The following HSPA12A variants were observed in gnomAD, a reference collection of about 807,000 sequenced individuals.
The protein encoded by HSPA12A is heat shock protein family A (Hsp70) member 12A, also known as heat shock 70 kDa protein 12A.
In HSPA12A, 28 loss-of-function variants were observed where a neutral mutation model predicts 69.2. The ratio of observed to expected loss-of-function variants is 0.40; its 90% CI spans 0.30 to 0.55. The LOEUF is 0.55. Ranked by LOEUF, HSPA12A falls within the 20% of genes least tolerant of loss-of-function variation. The pLI, the probability that HSPA12A is intolerant of heterozygous loss-of-function variation, is 0.38. For missense variants in HSPA12A, 686 were observed against 900.7 expected (o/e 0.76, Z 3.05); for synonymous variants, 345 against 370.5 (o/e 0.93, Z 0.79).
chr10:116,837,836 A>G (rs1845743173), intron 1 of HSPA12A, among the ~76,000 whole-genome samples: 1 of 152,190 alleles, frequency 6.6e-6, no homozygotes, highest in Non-Finnish European at 1.5e-5. Flanking sequence ...AATTCTTTAA[A>G]TCTAAGCCCA....
At chr10:116,801,193 C>T (rs1348897490) in intron 2 of HSPA12A, among the ~76,000 whole-genome samples, 1 of 152,192 alleles carries the variant, frequency 6.6e-6, no homozygotes, top group African/African-American at 2.4e-5. Flanking sequence ...TGCATAATGG[C>T]TGGATTCTAA....
At chr10:116,767,478 G>C (rs1422525941) in intron 2 of HSPA12A, among the ~76,000 whole-genome samples, 1 of 152,220 alleles carries the variant, frequency 6.6e-6, no homozygotes, top group African/African-American at 2.4e-5. Context: ...GGCCTCGGGA[G>C]CCTCCCCAAC....
At position 116,735,574 on chromosome 10, in the gene HSPA12A, G is replaced by A. The variant is rs114413296; in HGVS notation, c.40+6856C>T. Among the ~76,000 whole-genome samples, 1,008 of 152,290 alleles carry A rather than the reference G, an allele frequency of 6.6e-3. 20 individuals are homozygous for A. Among genetic ancestry groups the A allele is most frequent in the African/African-American group, 0.023 (971 of 41,558 alleles). On this transcript the variant is annotated intron_variant, in intron 1 of 11. Coordinates refer to ENST00000369209, the MANE Select transcript of HSPA12A (RefSeq NM_025015.3). The stretch of plus-strand genomic sequence containing the variant: ...AGCCAGCACCAACCCCCAGACCTGT[G>A]AGCGAGGTCATCTTGGACTACCCAG...
upstream of HSPA12A, among the ~76,000 whole-genome samples, chr10:116,744,586 G>A (rs1396872642): frequency 6.6e-6 from 1 of 152,232 alleles, no homozygotes. Context: ...GCAGAGAGCA[G>A]AACACTTTTG....
At chr10:116,678,348 C>CAAAAAAAA (rs55780024) in intron 10 of HSPA12A, among the ~76,000 whole-genome samples, 6 of 59,374 alleles carry the variant, frequency 1.0e-4, no homozygotes, top group African/African-American at 2.9e-4. Context: ...TGCCAACTTG[C>CAAAAAAAA]AAAAAAAAAA....
exon 1 of HSPA12A, chr10:116,849,726 C>A (rs773341569): frequency 1.3e-6 from 2 of 1,521,606 alleles, no homozygotes; most frequent in South Asian, 2.5e-5. Flanking sequence ...CGTCTACGGG[C>A]ACCTGGTAGG....
chr10:116,741,253 G>A (rs1194155360), intron 1 of HSPA12A, among the ~76,000 whole-genome samples: 2 of 152,252 alleles, frequency 1.3e-5, no homozygotes, highest in Non-Finnish European at 2.9e-5. Flanking sequence ...GCGGCTTGGA[G>A]TGCAGCAGAG....
At chr10:116,708,849 A>C (rs1426548999) in intron 1 of HSPA12A, among the ~76,000 whole-genome samples, 1 of 152,248 alleles carries the variant, frequency 6.6e-6, no homozygotes, top group Non-Finnish European at 1.5e-5. Flanking sequence ...ATATGGCTTC[A>C]CACTGACTAG....
chr10:116,713,326 T>C (rs1850502362), intron 1 of HSPA12A, among the ~76,000 whole-genome samples: 1 of 152,176 alleles, frequency 6.6e-6, no homozygotes, highest in Non-Finnish European at 1.5e-5. Context: ...CTATGGTGGA[T>C]GTCCAGAGTA....
At chr10:116,694,680 G>C (rs1247249387) in intron 5 of HSPA12A, among the ~76,000 whole-genome samples, 2 of 152,070 alleles carry the variant, frequency 1.3e-5, no homozygotes, top group Non-Finnish European at 2.9e-5. Context: ...AGGAGCCCCT[G>C]TGCGCTCTGC....
rs149068793 is a variant in HSPA12A at position 116,674,713 on chromosome 10, C to A, written c.*68G>T. ...GTGAGGGTCAAGGTTAGGGAAAGAA[C>A]AGTCAAGGTTGAGGTCAGCAGATGC... is the stretch of plus-strand genomic sequence containing the variant. On this transcript the variant is annotated 3_prime_UTR_variant, in exon 12 of 12. Transcript: ENST00000369209. 6.3e-5 allele frequency: 94 copies of A among 1,480,382 alleles called. No homozygotes were observed. The highest frequency in any genetic ancestry group is 8.4e-5 in the Non-Finnish European group (92 of 1,089,012). The allele number at this position is 1,480,382 out of a possible 1,614,324, so 91.7% of individuals were successfully genotyped here. A position where few individuals can be genotyped will look rare whatever the true frequency, so the allele number is the denominator to read the frequency against.
At chr10:116,786,345 G>A (rs954373121) in intron 2 of HSPA12A, among the ~76,000 whole-genome samples, 3 of 152,264 alleles carry the variant, frequency 2.0e-5, no homozygotes, top group Admixed American at 2.0e-4. Context: ...CCCCTAGCCT[G>A]GGCTCAGGAC....
At chr10:116,695,315 G>A (rs1184471336) in intron 5 of HSPA12A, among the ~76,000 whole-genome samples, 2 of 152,168 alleles carry the variant, frequency 1.3e-5, no homozygotes, top group African/African-American at 4.8e-5. Flanking sequence ...ACTGTGTTGA[G>A]TGGGAGGTGG....
intron 2 of HSPA12A, among the ~76,000 whole-genome samples, chr10:116,805,599 T>C (rs1845051819): frequency 2.6e-5 from 4 of 152,112 alleles, no homozygotes; most frequent in Admixed American, 2.6e-4. Flanking sequence ...GGGTACTGAC[T>C]TGTGTTTGTC....
chr10:116,687,680 C>A (rs1272851154), intron 6 of HSPA12A, among the ~76,000 whole-genome samples: 1 of 152,234 alleles, frequency 6.6e-6, no homozygotes, highest in Non-Finnish European at 1.5e-5. Flanking sequence ...CAACAGAAGC[C>A]CTCCACTTGG....
At chr10:116,788,239 G>T (rs1844622658) in intron 2 of HSPA12A, among the ~76,000 whole-genome samples, 1 of 152,150 alleles carries the variant, frequency 6.6e-6, no homozygotes, top group Admixed American at 6.6e-5. Flanking sequence ...TGCAAACGCC[G>T]CCCTCTGGTG....
At chr10:116,835,424 G>A (rs1455544931) in intron 1 of HSPA12A, among the ~76,000 whole-genome samples, 6 of 152,124 alleles carry the variant, frequency 3.9e-5, no homozygotes, top group African/African-American at 1.2e-4. Flanking sequence ...GAGAGATGAC[G>A]CCGAGACTCT....
At chr10:116,742,313 G>A in intron 1 of HSPA12A, 117 bp downstream of exon 1, 1 of 1,115,546 alleles carries the variant, frequency 9.0e-7, no homozygotes, top group Non-Finnish European at 1.2e-6. Context: ...ACTGGATGCA[G>A]CGCGGGCGTC....
intron 1 of HSPA12A, among the ~76,000 whole-genome samples, chr10:116,846,719 T>A (rs2133229126): frequency 6.6e-6 from 1 of 152,316 alleles, no homozygotes; most frequent in East Asian, 1.9e-4. Flanking sequence ...TATCAAAATA[T>A]GAAAAGAAGA....
Sources: gnomAD v4.1 joint callset for allele counts (sites outside exome capture counted in the v4.1 genomes callset) on GRCh38, gnomAD v4.1.1 for gene constraint, MANE v1.5 for transcripts, NCBI Gene and HGNC (gene_info 2026-07-23, HGNC 2026-07-21) for gene names.